The following ATP10A variants were observed in gnomAD, a reference collection of about 807,000 sequenced individuals.
The protein encoded by ATP10A is ATPase phospholipid transporting 10A (putative), also known as phospholipid-transporting ATPase VA.
A neutral mutation model predicts 147.8 loss-of-function variants in ATP10A; 111 were observed. The ratio of observed to expected loss-of-function variants is 0.75; its 90% CI spans 0.64 to 0.88. The LOEUF (loss-of-function observed/expected upper bound fraction) is 0.88. Among genes scored for constraint, ATP10A ranks in the 40% least tolerant of loss-of-function variants. The probability of loss-of-function intolerance (pLI) is 0.00; values close to 1 mark genes in which losing one functional copy is unlikely to be tolerated. For missense variants in ATP10A, 1,927 were observed against 1,959.0 expected, an observed-to-expected ratio of 0.98 and a Z score of 0.31; for synonymous variants, 875 against 841.6, an observed-to-expected ratio of 1.04 and a Z score of -0.69.
At chr15:25,739,676 A>G (rs1310797340) in intron 2 of ATP10A, among the ~76,000 whole-genome samples, 4 of 152,222 alleles carry the variant, frequency 2.6e-5, no homozygotes, top group African/African-American at 9.6e-5. Context: ...GCAGCACCCC[A>G]GCATCTCAGA....
At position 25,713,739 on chromosome 15, in the gene ATP10A, T is replaced by C; in HGVS notation, c.2279A>G (p.Glu760Gly). The C allele has an allele frequency of 6.2e-7, 1 of 1,614,104 alleles. No individual in the cohort carries two copies. The highest frequency in any genetic ancestry group is 8.5e-7 in the Non-Finnish European group (1 of 1,180,024). Residue 760 changes from glutamate (E) to glycine (G), a missense_variant, in exon 10 of 21, where the codon GAG becomes GGG. Coordinates refer to ENST00000555815, the MANE Select transcript of ATP10A (RefSeq NM_024490.4). The stretch of plus-strand genomic sequence containing the variant: ...GGCCCCCTTGGTGTAGACGTTGATC[T>C]CATCGGTAAGCGGGTGCCGGATCAC... The part of the protein sequence containing the change: ...SVVIRHPLTD[E>G]INVYTKGADS...
Position 25,701,898 on chromosome 15 carries a change from C to A in ATP10A, c.2760+18G>T. 1 of 1,574,462 alleles carries A rather than the reference C, an allele frequency of 6.4e-7. No individual in the cohort carries two copies. The highest frequency in any genetic ancestry group is 1.8e-5 in the Admixed American group (1 of 54,960). On this transcript the variant is annotated intron_variant, in intron 13 of 20. Transcript: ENST00000555815. ...CCACCCCAGGGGAAGGAAGCGGAGC[C>A]ACTTGAAACCCACCTACCTGGGAGG... is the stretch of plus-strand genomic sequence containing the variant.
intron 16 of ATP10A, among the ~76,000 whole-genome samples, chr15:25,686,171 T>C (rs1054327685): frequency 7.2e-5 from 11 of 152,088 alleles, no homozygotes; most frequent in Non-Finnish European, 1.5e-4. Context: ...CTGTATGCAT[T>C]TGCTAGAAGA....
intron 1 of ATP10A, among the ~76,000 whole-genome samples, chr15:25,821,938 C>A (rs1319695026): frequency 6.6e-6 from 1 of 152,080 alleles, no homozygotes; most frequent in Non-Finnish European, 1.5e-5. Flanking sequence ...ATTCAGTCAA[C>A]CCTCCAGTAC....
intron 10 of ATP10A, among the ~76,000 whole-genome samples, chr15:25,711,840 G>A (rs1901441205): frequency 6.6e-6 from 1 of 152,174 alleles, no homozygotes; most frequent in Non-Finnish European, 1.5e-5. Flanking sequence ...GCCTGGGCAG[G>A]GGCTCCCCTA....
chr15:25,829,197 C>A (rs1367082214), intron 1 of ATP10A, among the ~76,000 whole-genome samples: 1 of 152,086 alleles, frequency 6.6e-6, no homozygotes, highest in Non-Finnish European at 1.5e-5. Flanking sequence ...TTTCATAAAG[C>A]CTGGTCACAT....
chr15:25,743,124 A>G (rs902093401), intron 2 of ATP10A, among the ~76,000 whole-genome samples: 2 of 152,226 alleles, frequency 1.3e-5, no homozygotes, highest in Non-Finnish European at 2.9e-5. Context: ...CTAAAGGCAG[A>G]GTTCCATGGA....
intron 7 of ATP10A, among the ~76,000 whole-genome samples, chr15:25,720,991 TC>T (rs1186018584): frequency 6.6e-6 from 1 of 152,120 alleles, no homozygotes; most frequent in East Asian, 1.9e-4. Flanking sequence ...GGGTGCCCAC[TC>T]CCAGGGCGCT....
At chr15:25,792,898 T>G (rs1183398089) in intron 1 of ATP10A, among the ~76,000 whole-genome samples, 2 of 135,690 alleles carry the variant, frequency 1.5e-5, no homozygotes, top group African/African-American at 5.8e-5. Context: ...GAGATGGAGT[T>G]TTGCTCTCGT....
At chr15:25,694,782 G>A in intron 14 of ATP10A, 37 bp downstream of exon 14, 2 of 1,559,956 alleles carry the variant, frequency 1.3e-6, no homozygotes, top group Non-Finnish European at 1.7e-6. Context: ...TTTGGGTCCA[G>A]CTGGGAGGAG....
Position 25,681,052 on chromosome 15 carries a change from C to A in ATP10A, c.3515G>T (p.Trp1172Leu). 1 of 1,613,956 alleles carries A rather than the reference C, an allele frequency of 6.2e-7. No individual in the cohort carries two copies. The highest frequency in any genetic ancestry group is 8.5e-7 in the Non-Finnish European group (1 of 1,179,882). Residue 1172 changes from tryptophan to leucine, a missense_variant, in exon 18 of 21, where the codon TGG (tryptophan) becomes TTG (leucine). By Grantham distance (61) the Trp-to-Leu change is moderately conservative. Coordinates refer to ENST00000555815, the MANE Select transcript of ATP10A (RefSeq NM_024490.4). ...NMEEYRPRTF[W>L]FNMADAAFQS... is the part of the protein sequence containing the mutation. ...GAAGGCGGCGTCGGCCATGTTAAACCAGAACGTTCGTGGCCGGTATTCCTG... is the reference window on the plus strand; with the variant it reads ...GAAGGCGGCGTCGGCCATGTTAAACAAGAACGTTCGTGGCCGGTATTCCTG...
In ATP10A at chr15:25,679,739, C is replaced by A. The variant is rs768077816; in HGVS notation, c.4102G>T (p.Gly1368Trp). Residue 1368 changes from glycine to tryptophan, a missense_variant, in exon 21 of 21, where the codon GGG (glycine) becomes TGG (tryptophan). Coordinates refer to ENST00000555815, the MANE Select transcript of ATP10A (RefSeq NM_024490.4). Reference protein sequence around the residue: ...QQPVCSLEASGEPSTVDMSMP... With the variant: ...QQPVCSLEASWEPSTVDMSMP... Reference sequence around the variant, plus strand: ...CTCATGTCCACTGTGCTGGGCTCCCCGCTGGCCTCCAGGGAGCAGACCGGC... The same window carrying A: ...CTCATGTCCACTGTGCTGGGCTCCCAGCTGGCCTCCAGGGAGCAGACCGGC... The A allele has an allele frequency of 2.5e-6, 4 of 1,613,378 alleles. No individual in the cohort carries two copies. The highest frequency in any genetic ancestry group is 3.4e-6 in the Non-Finnish European group (4 of 1,180,010).
intron 12 of ATP10A, 65 bp downstream of exon 12, chr15:25,707,911 C>G: frequency 3.2e-6 from 5 of 1,581,922 alleles, no homozygotes; most frequent in Non-Finnish European, 4.3e-6. Context: ...AGAGCACTCA[C>G]CCCTCCAGGG....
Position 25,734,425 on chromosome 15 carries a change from C to A in ATP10A, c.740+1631G>T, listed in dbSNP as rs557017904. Reference sequence around the variant, plus strand: ...CTGAACATTCTCCAGAGATTGCCCTCGCCCCACCCTTCACAATCATTGTTT... The same window carrying A: ...CTGAACATTCTCCAGAGATTGCCCTAGCCCCACCCTTCACAATCATTGTTT... On this transcript the variant is annotated intron_variant, in intron 3 of 20. Transcript: ENST00000555815. 4.6e-4 allele frequency among the ~76,000 whole-genome samples: 70 copies of A among 152,334 alleles called. 1 individual carries two copies. Among genetic ancestry groups the A allele is most frequent in the African/African-American group, 1.6e-3 (68 of 41,578 alleles).
At chr15:25,717,134 C>T (rs550284873) in intron 8 of ATP10A, among the ~76,000 whole-genome samples, 5 of 152,332 alleles carry the variant, frequency 3.3e-5, no homozygotes, top group African/African-American at 1.2e-4. Flanking sequence ...GAAAACCATG[C>T]TTCAGCATTG....
intron 1 of ATP10A, among the ~76,000 whole-genome samples, chr15:25,815,567 T>C (rs1054626855): frequency 1.0e-4 from 1 of 9,712 alleles, no homozygotes; most frequent in African/African-American, 2.5e-4. Flanking sequence ...GTTCTGCAAG[T>C]TGCAGAATCC....
chr15:25,704,127 C>T (rs540263712), intron 12 of ATP10A, among the ~76,000 whole-genome samples: 6 of 152,284 alleles, frequency 3.9e-5, no homozygotes, highest in African/African-American at 1.4e-4. Context: ...GTGTGTGGCC[C>T]GTGTCCCTGG....
chr15:25,687,570 CACAGGCGAAGGAGG>C, intron 16 of ATP10A, 119 bp downstream of exon 16: 1 of 984,070 alleles, frequency 1.0e-6, no homozygotes, highest in Non-Finnish European at 1.5e-6. Context: ...GGGACAATTA[CACAGGCGAAGGAGG>C]ATGGAGCAGG....
In ATP10A at chr15:25,680,233, A is replaced by G. The variant is rs138953004; in HGVS notation, c.3754T>C (p.Cys1252Arg). 3.1e-6 allele frequency: 5 copies of G among 1,614,056 alleles called. No individual in the cohort carries two copies. The African/African-American group carries it at 5.3e-5, about 17-fold the overall frequency. The change falls in exon 20 of 21, where the codon TGT becomes CGT. Residue 1252 changes from cysteine to arginine, a missense_variant. Physicochemically the swap from Cys to Arg is radical, Grantham distance 180 (BLOSUM62 -3). Transcript: ENST00000555815. ...FTVALIYNAS[C>R]ATCYPPSNPY... ...TTGGACGGAGGATAGCACGTGGCAC[A>G]AGACGCATTGTAAATCAAAGCCACG...
Sources: gnomAD v4.1 joint callset for allele counts (sites outside exome capture counted in the v4.1 genomes callset) on GRCh38, gnomAD v4.1.1 for gene constraint, MANE v1.5 for transcripts, NCBI Gene and HGNC (gene_info 2026-07-23, HGNC 2026-07-21) for gene names.